The following ARHGAP22 variants were observed in gnomAD, a reference collection of about 807,000 sequenced individuals.
ARHGAP22 encodes rho GTPase-activating protein 22.
In ARHGAP22, 48 loss-of-function variants were observed where a neutral mutation model predicts 59.1. The ratio of observed to expected loss-of-function variants is 0.81; its 90% CI spans 0.64 to 1.03. The LOEUF (loss-of-function observed/expected upper bound fraction) is 1.03. ARHGAP22 is among the 50% of genes least tolerant of loss of function. The probability of loss-of-function intolerance (pLI) is 0.00; values close to 1 mark genes in which losing one functional copy is unlikely to be tolerated. For missense variants in ARHGAP22, 1,015 were observed against 958.7 expected (o/e 1.06, Z -0.78); for synonymous variants, 445 against 416.4 (o/e 1.07, Z -0.84).
chr10:48,644,062 G>A (rs1042351802), intron 1 of ARHGAP22, among the ~76,000 whole-genome samples: 9 of 152,272 alleles, frequency 5.9e-5, no homozygotes, highest in Admixed American at 3.3e-4. Flanking sequence ...CAGGAGAATC[G>A]CTTGAACCTG....
intron 2 of ARHGAP22, among the ~76,000 whole-genome samples, chr10:48,555,993 G>C (rs1479780103): frequency 6.6e-6 from 1 of 152,182 alleles, no homozygotes; most frequent in African/African-American, 2.4e-5. Context: ...CGTCTTGGCT[G>C]GGTGAGATTT....
intron 4 of ARHGAP22, among the ~76,000 whole-genome samples, chr10:48,461,928 G>C (rs1200219546): frequency 6.6e-6 from 1 of 152,152 alleles, no homozygotes. Context: ...GGCTATTTTG[G>C]AATAAGATAC....
At chr10:48,583,666 G>T (rs970582592) in intron 1 of ARHGAP22, among the ~76,000 whole-genome samples, 1 of 152,218 alleles carries the variant, frequency 6.6e-6, no homozygotes, top group Non-Finnish European at 1.5e-5. Context: ...GTCTAGCAGG[G>T]TTCCTGTTGC....
chr10:48,627,176 G>A (rs2061481054), intron 1 of ARHGAP22, among the ~76,000 whole-genome samples: 1 of 152,144 alleles, frequency 6.6e-6, no homozygotes, highest in Admixed American at 6.5e-5. Flanking sequence ...GCTGTCCTGA[G>A]TTGTGTTCTT....
At chr10:48,635,186 C>T (rs899383983) in intron 1 of ARHGAP22, among the ~76,000 whole-genome samples, 2 of 152,146 alleles carry the variant, frequency 1.3e-5, no homozygotes, top group Non-Finnish European at 2.9e-5. Flanking sequence ...TGAAGCACTT[C>T]ACCTTGTTTC....
chr10:48,604,633 C>T (rs2135923296), intron 1 of ARHGAP22, 130 bp downstream of exon 1: 4 of 1,433,798 alleles, frequency 2.8e-6, no homozygotes, highest in Non-Finnish European at 3.9e-6. Flanking sequence ...AGGATGCTCA[C>T]TATTCAGCGG....
chr10:48,446,313 A>T lies in ARHGAP22; in HGVS notation c.*78T>A. ...TGGCTCCAGAGCGCCTGGCTGCTCC[A>T]GAGATACAGACGCTTCTAACTCCAT... On this transcript the variant is annotated 3_prime_UTR_variant, in exon 10 of 10. Transcript: ENST00000249601. 4 of 1,501,372 alleles carry T rather than the reference A, an allele frequency of 2.7e-6. No individual in the cohort carries two copies. The highest frequency in any genetic ancestry group is 3.6e-6 in the Non-Finnish European group (4 of 1,097,328). 93.0% of individuals were successfully genotyped at this position (1,501,372 alleles called of 1,614,324 possible).
chr10:48,604,613 C>G, intron 1 of ARHGAP22, 150 bp downstream of exon 1: 1 of 1,313,386 alleles, frequency 7.6e-7, no homozygotes, highest in Non-Finnish European at 1.1e-6. Flanking sequence ...AGGAAGGGCA[C>G]TTCCTCAGGA....
chr10:48,565,483 C>T (rs1274765574), intron 2 of ARHGAP22, among the ~76,000 whole-genome samples: 1 of 152,118 alleles, frequency 6.6e-6, no homozygotes. Context: ...GTTTAGTGCC[C>T]AGTAAGAGTA....
chr10:48,553,440 G>T (rs973926465), intron 3 of ARHGAP22, among the ~76,000 whole-genome samples: 3 of 152,236 alleles, frequency 2.0e-5, no homozygotes, highest in Non-Finnish European at 2.9e-5. Flanking sequence ...ATCTGTAGGG[G>T]TCCTCAGATG....
At chr10:48,466,397 C>CCCG (rs1180451557) in intron 4 of ARHGAP22, among the ~76,000 whole-genome samples, 1 of 152,038 alleles carries the variant, frequency 6.6e-6, no homozygotes, top group Non-Finnish European at 1.5e-5. Flanking sequence ...TGGGAACCGT[C>CCCG]CCGCAGCACC....
chr10:48,596,965 T>C (rs2060104543), intron 1 of ARHGAP22, among the ~76,000 whole-genome samples: 1 of 152,194 alleles, frequency 6.6e-6, no homozygotes. Flanking sequence ...CCTGTATGTC[T>C]GCCTTTCCCT....
intron 3 of ARHGAP22, among the ~76,000 whole-genome samples, chr10:48,502,939 C>A (rs1253702165): frequency 6.6e-6 from 1 of 152,192 alleles, no homozygotes; most frequent in Non-Finnish European, 1.5e-5. Flanking sequence ...ATCCCGGGGG[C>A]CTACTGGGGT....
chr10:48,500,616 C>T (rs868632896), intron 3 of ARHGAP22, among the ~76,000 whole-genome samples: 12 of 151,844 alleles, frequency 7.9e-5, no homozygotes, highest in Admixed American at 1.3e-4. Flanking sequence ...GGCCAGGCGC[C>T]GTAGTTCACA....
chr10:48,509,852 TCA>T (rs1350461667), intron 3 of ARHGAP22, among the ~76,000 whole-genome samples: 1 of 152,192 alleles, frequency 6.6e-6, no homozygotes, highest in Non-Finnish European at 1.5e-5. Flanking sequence ...AAGGATGTTC[TCA>T]GATTTTCATC....
chr10:48,497,609 C>G (rs539035183), intron 3 of ARHGAP22, among the ~76,000 whole-genome samples: 2 of 152,034 alleles, frequency 1.3e-5, no homozygotes. Context: ...GAGGAAGGAG[C>G]CCCTCCAGGA....
chr10:48,582,578 G>A (rs1735427830), intron 2 of ARHGAP22: 2 of 282,492 alleles, frequency 7.1e-6, no homozygotes, highest in African/African-American at 2.2e-5. Flanking sequence ...TTCAGTTTGA[G>A]GCTAGATGTG....
At chr10:48,612,668 A>AT (rs1329818275) in intron 1 of ARHGAP22, among the ~76,000 whole-genome samples, 1 of 152,118 alleles carries the variant, frequency 6.6e-6, no homozygotes, top group Non-Finnish European at 1.5e-5. Context: ...CTTACAAAGG[A>AT]TTTTTCCAAT....
At chr10:48,522,923 G>C (rs559123575) in intron 3 of ARHGAP22, among the ~76,000 whole-genome samples, 1 of 152,202 alleles carries the variant, frequency 6.6e-6, no homozygotes, top group South Asian at 2.1e-4. Context: ...ACCTCTCTAC[G>C]TCCTGTGTAA....
Sources: gnomAD v4.1 joint callset for allele counts (sites outside exome capture counted in the v4.1 genomes callset) on GRCh38, gnomAD v4.1.1 for gene constraint, MANE v1.5 for transcripts, NCBI Gene and HGNC (gene_info 2026-07-23, HGNC 2026-07-21) for gene names.